FBXO42: variants seen among roughly 807,000 people sequenced by gnomAD.
FBXO42 encodes F-box only protein 42.
In FBXO42, 12 loss-of-function variants were observed where a neutral mutation model predicts 71.7. That is an observed-to-expected ratio of 0.17 (90% confidence interval 0.11 to 0.27). FBXO42 has a LOEUF of 0.27. Among genes scored for constraint, FBXO42 ranks in the 10% least tolerant of loss-of-function variants. The pLI is 1.00. For missense variants in FBXO42, 707 were observed against 911.9 expected, an observed-to-expected ratio of 0.78 and a Z score of 2.89; for synonymous variants, 325 against 327.5, an observed-to-expected ratio of 0.99 and a Z score of 0.08.
chr1:16,330,108 T>C (rs576534265), intron 1 of FBXO42, among the ~76,000 whole-genome samples: 1 of 152,364 alleles, frequency 6.6e-6, no homozygotes, highest in South Asian at 2.1e-4. Context: ...ACAATGTAGC[T>C]AGACACTAAG....
At chr1:16,321,498 C>T (rs1414008473) in intron 1 of FBXO42, among the ~76,000 whole-genome samples, 1 of 152,164 alleles carries the variant, frequency 6.6e-6, no homozygotes, top group Non-Finnish European at 1.5e-5. Flanking sequence ...TAAAAGAAGT[C>T]CTTCTCACCC....
chr1:16,267,144 C>A (rs749828751), intron 4 of FBXO42, among the ~76,000 whole-genome samples: 2 of 152,096 alleles, frequency 1.3e-5, no homozygotes, highest in African/African-American at 4.8e-5. Flanking sequence ...AATACTGCAG[C>A]CCAAGGACCA....
chr1:16,340,324 C>CT (rs112076253), intron 1 of FBXO42, among the ~76,000 whole-genome samples: 89 of 147,908 alleles, frequency 6.0e-4, no homozygotes, highest in South Asian at 2.4e-3. Flanking sequence ...TTTGGTAGTA[C>CT]TTTTTTTTTT....
In FBXO42 at chr1:16,290,385, G is replaced by T. The variant is rs574940784; in HGVS notation, c.502+4398C>A. Among the ~76,000 whole-genome samples, 115 of 152,208 alleles carry T rather than the reference G, an allele frequency of 7.6e-4. No individual in the cohort carries two copies. In the South Asian group the frequency reaches 0.023, roughly 30 times the overall value. On this transcript the variant is annotated intron_variant, in intron 4 of 9. Transcript: ENST00000375592. Reference sequence around the variant, plus strand: ...GTCATGAGGGTAGCCCTCATAAGATGAATCCCCTTATAAGAAGCACAAGAA... The same window carrying T: ...GTCATGAGGGTAGCCCTCATAAGATTAATCCCCTTATAAGAAGCACAAGAA...
intron 1 of FBXO42, among the ~76,000 whole-genome samples, chr1:16,333,693 CAAA>C (rs2082524288): frequency 6.6e-6 from 1 of 152,080 alleles, no homozygotes; most frequent in Non-Finnish European, 1.5e-5. Flanking sequence ...AATCAAGATG[CAAA>C]AATGCACAGC....
At chr1:16,283,598 A>G (rs1352332271) in intron 4 of FBXO42, among the ~76,000 whole-genome samples, 1 of 144,208 alleles carries the variant, frequency 6.9e-6, no homozygotes, top group Non-Finnish European at 1.5e-5. Flanking sequence ...CCCGGGTTCA[A>G]GCAATTCCCT....
chr1:16,296,663 A>AC (rs1466225264), intron 3 of FBXO42, among the ~76,000 whole-genome samples: 3 of 151,168 alleles, frequency 2.0e-5, no homozygotes, highest in East Asian at 1.9e-4. Flanking sequence ...AAAAAAAAAA[A>AC]AAAAACAAAA....
rs76747685 is a variant in FBXO42 at position 16,253,388 on chromosome 1, C to T, written c.865-236G>A. ...CAAATATTAACATGAATGTCAACCA[C>T]ATAAAATGCAGGATTCTCTTGAGAA... On this transcript the variant is annotated intron_variant, in intron 7 of 9. Coordinates refer to ENST00000375592, the MANE Select transcript of FBXO42 (RefSeq NM_018994.3). 4,985 of 591,210 alleles carry T rather than the reference C, an allele frequency of 8.4e-3. 192 individuals are homozygous for T. The highest frequency in any genetic ancestry group is 0.083 in the African/African-American group (4,438 of 53,416). The allele number at this position is 591,210 out of a possible 1,614,324, so 36.6% of individuals were successfully genotyped here. A position where few individuals can be genotyped will look rare whatever the true frequency, so the allele number is the denominator to read the frequency against.
chr1:16,323,569 C>T (rs746367988), intron 1 of FBXO42, among the ~76,000 whole-genome samples: 1 of 150,612 alleles, frequency 6.6e-6, no homozygotes, highest in South Asian at 2.1e-4. Context: ...GGCTGAGGTG[C>T]GCGGATCTTT....
intron 1 of FBXO42, among the ~76,000 whole-genome samples, chr1:16,343,228 G>A (rs2082623839): frequency 6.6e-6 from 1 of 152,094 alleles, no homozygotes; most frequent in Non-Finnish European, 1.5e-5. Flanking sequence ...GGATCCTGAT[G>A]GATAAAAAAT....
At chr1:16,346,108 T>C (rs2082652591) in intron 1 of FBXO42, among the ~76,000 whole-genome samples, 1 of 152,124 alleles carries the variant, frequency 6.6e-6, no homozygotes, top group Non-Finnish European at 1.5e-5. Flanking sequence ...TACAATATAG[T>C]GATACAGAAA....
Position 16,247,065 on chromosome 1 carries a change from A to G in FBXO42, c.*3605T>C, listed in dbSNP as rs1047487133. 6.6e-6 allele frequency: 1 copy of G among 152,262 alleles called. No homozygotes were observed. The highest frequency in any genetic ancestry group is 2.4e-5 in the African/African-American group (1 of 41,474). 9.4% of individuals were successfully genotyped at this position (152,262 alleles called of 1,614,324 possible). On this transcript the variant is annotated 3_prime_UTR_variant, in exon 10 of 10. Coordinates refer to ENST00000375592, the MANE Select transcript of FBXO42 (RefSeq NM_018994.3). The stretch of plus-strand genomic sequence containing the variant: ...CTTCGCCAGGGCACATGGGGTGTGC[A>G]CTGACATGAACCCTGGTTGGAGGGA...
At chr1:16,273,173 T>A (rs975534572) in intron 4 of FBXO42, among the ~76,000 whole-genome samples, 1 of 152,172 alleles carries the variant, frequency 6.6e-6, no homozygotes, top group African/African-American at 2.4e-5. Flanking sequence ...CAACTGGGGT[T>A]AAACAACCGG....
intron 1 of FBXO42, among the ~76,000 whole-genome samples, chr1:16,317,558 G>A (rs2082379388): frequency 6.6e-6 from 1 of 151,942 alleles, no homozygotes. Context: ...ACTGGCCACT[G>A]CACTCCAGCC....
chr1:16,272,154 CAAA>C (rs999974704), intron 4 of FBXO42, among the ~76,000 whole-genome samples: 2 of 44,636 alleles, frequency 4.5e-5, no homozygotes, highest in Non-Finnish European at 4.4e-5. Flanking sequence ...GACTCCGTCC[CAAA>C]AAAAAAAAAA....
In FBXO42 at chr1:16,256,722, G is replaced by C; in HGVS notation, c.540C>G (p.Val180=). Residue 180 remains valine (V), a synonymous_variant, in exon 5 of 10, where the codon GTC becomes GTG. Transcript: ENST00000375592. The part of the protein sequence containing the change: ...YPSPKAGATL[V]VYKDLLVLFG... ...ACAGCACTAGCAAGTCCTTGTACAC[G>C]ACCAGAGTTGCTCCAGCTTTGGGGG... is the stretch of plus-strand genomic sequence containing the variant. 3 of 1,614,124 alleles carry C rather than the reference G, an allele frequency of 1.9e-6. No individual in the cohort carries two copies. Among genetic ancestry groups the C allele is most frequent in the Non-Finnish European group, 2.5e-6 (3 of 1,180,018 alleles).
In FBXO42 at chr1:16,247,263, C is replaced by T. The variant is rs2081543328; in HGVS notation, c.*3407G>A. ...GCCTGGAAATTCAGCTTCCTCACCACCAGGCGTGGTTAGATCCTCCCCACT... is the reference window on the plus strand; with the variant it reads ...GCCTGGAAATTCAGCTTCCTCACCATCAGGCGTGGTTAGATCCTCCCCACT... On this transcript the variant is annotated 3_prime_UTR_variant, in exon 10 of 10. Coordinates refer to ENST00000375592, the MANE Select transcript of FBXO42 (RefSeq NM_018994.3). The T allele has an allele frequency of 6.6e-6, 1 of 152,270 alleles. No individual in the cohort carries two copies. The highest frequency in any genetic ancestry group is 2.4e-5 in the African/African-American group (1 of 41,452). The allele number at this position is 152,270 out of a possible 1,614,324, so 9.4% of individuals were successfully genotyped here. A position where few individuals can be genotyped will look rare whatever the true frequency, so the allele number is the denominator to read the frequency against.
intron 1 of FBXO42, among the ~76,000 whole-genome samples, chr1:16,349,723 A>T (rs775250433): frequency 2.6e-5 from 4 of 152,172 alleles, no homozygotes; most frequent in Admixed American, 2.6e-4. Flanking sequence ...TTAGCTGGGC[A>T]TGATGGCAGG....
intron 1 of FBXO42, among the ~76,000 whole-genome samples, chr1:16,342,060 T>G (rs2082610142): frequency 6.6e-6 from 1 of 151,400 alleles, no homozygotes; most frequent in African/African-American, 2.4e-5. Flanking sequence ...GTGGATCACC[T>G]GAGCCCAGGG....
Sources: allele counts gnomAD v4.1 joint callset (sites outside exome capture counted in the v4.1 genomes callset), GRCh38; gene constraint gnomAD v4.1.1; transcripts MANE v1.5; gene names NCBI Gene and HGNC (gene_info 2026-07-23, HGNC 2026-07-21).